The following LIN7A variants were observed in gnomAD, a reference collection of about 807,000 sequenced individuals.
LIN7A encodes the protein protein lin-7 homolog A.
A neutral mutation model predicts 29.8 loss-of-function variants in LIN7A; 25 were observed. That is an observed-to-expected ratio of 0.84 (90% CI 0.61 to 1.17). The LOEUF is 1.17. Among genes scored for constraint, LIN7A ranks in the 50% most tolerant of loss-of-function variants. LIN7A has a pLI of 0.00. For synonymous variants in LIN7A, 118 were observed against 107.5 expected, an observed-to-expected ratio of 1.10 and a Z score of -0.60; for missense variants, 239 against 287.0, an observed-to-expected ratio of 0.83 and a Z score of 1.21.
intron 1 of LIN7A, among the ~76,000 whole-genome samples, chr12:80,895,845 G>C (rs1875861304): frequency 6.6e-6 from 1 of 152,188 alleles, no homozygotes; most frequent in Non-Finnish European, 1.5e-5. Context: ...GCTAAGGATG[G>C]TGGAGTAGGA....
chr12:80,809,201 C>G (rs941052925), intron 5 of LIN7A, among the ~76,000 whole-genome samples: 1 of 152,188 alleles, frequency 6.6e-6, no homozygotes, highest in African/African-American at 2.4e-5. Flanking sequence ...CTCCTGACCT[C>G]GTCATCCACC....
intron 4 of LIN7A, among the ~76,000 whole-genome samples, chr12:80,840,725 G>C (rs922814839): frequency 6.6e-6 from 1 of 152,192 alleles, no homozygotes; most frequent in East Asian, 1.9e-4. Flanking sequence ...CAGCATGTGT[G>C]TGTTGGTCAG....
At chr12:80,912,118 A>T (rs1445992362) in intron 1 of LIN7A, among the ~76,000 whole-genome samples, 9 of 152,230 alleles carry the variant, frequency 5.9e-5, no homozygotes, top group Admixed American at 5.9e-4. Context: ...CAAATGAAAC[A>T]GGAAATTAGT....
intron 4 of LIN7A, among the ~76,000 whole-genome samples, chr12:80,826,818 T>C (rs1274591503): frequency 6.6e-6 from 1 of 152,086 alleles, no homozygotes; most frequent in African/African-American, 2.4e-5. Context: ...CCACCACCCC[T>C]GGCTGAGTTG....
chr12:80,930,335 C>A (rs1202183263), intron 1 of LIN7A, among the ~76,000 whole-genome samples: 4 of 151,878 alleles, frequency 2.6e-5, no homozygotes, highest in African/African-American at 9.7e-5. Context: ...TAGTATATTA[C>A]TTAGCAAAAT....
intron 1 of LIN7A, among the ~76,000 whole-genome samples, chr12:80,927,799 G>A (rs530288436): frequency 4.9e-4 from 75 of 152,206 alleles, no homozygotes; most frequent in African/African-American, 1.8e-3. Context: ...ACGTTGGTTT[G>A]CTGCACCCGT....
intron 2 of LIN7A, among the ~76,000 whole-genome samples, chr12:80,857,323 C>T (rs1021668879): frequency 6.6e-6 from 1 of 152,088 alleles, no homozygotes; most frequent in Non-Finnish European, 1.5e-5. Context: ...GATCTTGGTG[C>T]TTTCCATGCT....
At position 80,903,145 on chromosome 12, in the gene LIN7A, C is replaced by G. The variant is rs183078957; in HGVS notation, c.83-13776G>C. 3.3e-5 allele frequency among the ~76,000 whole-genome samples: 5 copies of G among 151,484 alleles called. No individual in the cohort carries two copies. In the East Asian group the frequency reaches 9.7e-4, roughly 30 times the overall value. ...TACTGCTTTAATATTTAAACATTATCAAAACATTAAAACATTAAAAACCAA... is the reference window on the plus strand; with the variant it reads ...TACTGCTTTAATATTTAAACATTATGAAAACATTAAAACATTAAAAACCAA... On this transcript the variant is annotated intron_variant, in intron 1 of 5. Transcript: ENST00000552864.
rs936590796 is a variant in LIN7A, at chr12:80,880,628, C to G, written c.201+8623G>C. ...ATGAAAAGTGGAACCTCTGTCTTCA[C>G]CAGATTAATTACGCTGGATCTTGCA... is the stretch of plus-strand genomic sequence containing the variant. On this transcript the variant is annotated intron_variant, in intron 2 of 5. Transcript: ENST00000552864. 4.6e-5 allele frequency among the ~76,000 whole-genome samples: 7 copies of G among 152,200 alleles called. No individual in the cohort carries two copies. In the South Asian group the frequency reaches 6.2e-4, roughly 14 times the overall value.
At chr12:80,845,651 C>A (rs1873036424) in intron 4 of LIN7A, 79 bp downstream of exon 4, 1 of 1,114,880 alleles carries the variant, frequency 9.0e-7, no homozygotes, top group East Asian at 2.4e-5. Context: ...AGGTTTTCAA[C>A]GTTGACTTCA....
chr12:80,875,087 G>T (rs1210151459), intron 2 of LIN7A, among the ~76,000 whole-genome samples: 1 of 152,182 alleles, frequency 6.6e-6, no homozygotes, highest in Admixed American at 6.5e-5. Context: ...CCCATAACAA[G>T]TAAAACTAGA....
chr12:80,818,343 G>A (rs576623718), intron 4 of LIN7A, among the ~76,000 whole-genome samples: 8 of 152,242 alleles, frequency 5.3e-5, no homozygotes, highest in Admixed American at 1.3e-4. Flanking sequence ...TATGTATACT[G>A]TAGTTTTTAT....
intron 1 of LIN7A, among the ~76,000 whole-genome samples, chr12:80,932,339 A>G (rs928467072): frequency 6.6e-6 from 1 of 152,244 alleles, no homozygotes; most frequent in Non-Finnish European, 1.5e-5. Flanking sequence ...TTTAAAGGAC[A>G]AAAGTTTGAT....
At chr12:80,891,920 C>A (rs1055528856) in intron 1 of LIN7A, among the ~76,000 whole-genome samples, 2 of 152,060 alleles carry the variant, frequency 1.3e-5, no homozygotes, top group African/African-American at 2.4e-5. Flanking sequence ...GTGAGAGTAG[C>A]AAGAGATGAG....
chr12:80,926,542 T>A (rs535507245), intron 1 of LIN7A, among the ~76,000 whole-genome samples: 1 of 152,348 alleles, frequency 6.6e-6, no homozygotes. Context: ...CTGGAAATAA[T>A]TACTTTGACA....
In LIN7A at chr12:80,937,881, C is replaced by G. The variant is rs1878338016; in HGVS notation, c.-159G>C. 1 of 493,856 alleles carries G rather than the reference C, an allele frequency of 2.0e-6. No individual in the cohort carries two copies. Among genetic ancestry groups the G allele is most frequent in the Non-Finnish European group, 3.5e-6 (1 of 284,592 alleles). 30.6% of individuals were successfully genotyped at this position (493,856 alleles called of 1,614,324 possible). On this transcript the variant is annotated 5_prime_UTR_variant, in exon 1 of 6. Transcript: ENST00000552864. ...GCCAGATGGAGACGCAACTGTTCCG[C>G]GGCGGCAGATCTTCAGTTGCGGTGC...
At chr12:80,833,591 G>A (rs1160421713) in intron 4 of LIN7A, among the ~76,000 whole-genome samples, 2 of 152,142 alleles carry the variant, frequency 1.3e-5, no homozygotes, top group African/African-American at 4.8e-5. Flanking sequence ...ACTTTCAAAT[G>A]TTAAGTCCGG....
chr12:80,862,944 G>A (rs1353240658), intron 2 of LIN7A, among the ~76,000 whole-genome samples: 1 of 152,184 alleles, frequency 6.6e-6, no homozygotes, highest in Admixed American at 6.5e-5. Context: ...TTACCAAAAT[G>A]CCAGACTATA....
At chr12:80,825,601 A>C (rs1872026630) in intron 4 of LIN7A, among the ~76,000 whole-genome samples, 1 of 152,202 alleles carries the variant, frequency 6.6e-6, no homozygotes, top group Non-Finnish European at 1.5e-5. Flanking sequence ...TGCAACCTAG[A>C]AAAAGGCTTA....
Sources: allele counts gnomAD v4.1 joint callset (sites outside exome capture counted in the v4.1 genomes callset), GRCh38; gene constraint gnomAD v4.1.1; transcripts MANE v1.5; gene names NCBI Gene and HGNC (gene_info 2026-07-23, HGNC 2026-07-21).